SMCO1: variants seen among roughly 807,000 people sequenced by gnomAD.
SMCO1 encodes the protein single-pass membrane protein with coiled-coil domains 1, also known as single-pass membrane and coiled-coil domain-containing protein 1.
Under a neutral mutation model 7.5 loss-of-function variants are expected in SMCO1, and 9 were observed. The observed-to-expected ratio is 1.20, with a 90% confidence interval of 0.72 to 2.09. The LOEUF (loss-of-function observed/expected upper bound fraction) is 2.09. Ranked by LOEUF, SMCO1 falls within the 30% of genes most tolerant of loss-of-function variation. The probability of loss-of-function intolerance (pLI) is 0.00; values close to 1 mark genes in which losing one functional copy is unlikely to be tolerated. For synonymous variants in SMCO1, 90 were observed against 93.8 expected (o/e 0.96, Z 0.23); for missense variants, 219 against 253.1 (o/e 0.87, Z 0.91).
At chr3:196,510,856 G>A (rs182980619) in intron 1 of SMCO1, among the ~76,000 whole-genome samples, 132 of 152,240 alleles carry the variant, frequency 8.7e-4, no homozygotes, top group Non-Finnish European at 1.7e-3. Context: ...CCCAGCAAAG[G>A]TCTTGCACAG....
chr3:196,508,590 A>G (rs548799349), intron 2 of SMCO1, among the ~76,000 whole-genome samples: 2 of 150,702 alleles, frequency 1.3e-5, no homozygotes, highest in South Asian at 2.2e-4. Context: ...GGCTTCCCAG[A>G]GTGCTGGGAT....
chr3:196,509,788 T>G, intron 1 of SMCO1, 119 bp from the exon 2 acceptor site: 1 of 858,586 alleles, frequency 1.2e-6, no homozygotes, highest in Non-Finnish European at 1.7e-6. Flanking sequence ...AACTTTTTTT[T>G]TTTTACTTTT....
chr3:196,516,342 G>C (rs1733389656), upstream of SMCO1, among the ~76,000 whole-genome samples: 1 of 151,824 alleles, frequency 6.6e-6, no homozygotes, highest in Non-Finnish European at 1.5e-5. Context: ...GTGGTACTTG[G>C]CTTGGCCTTA....
At chr3:196,514,473 A>T (rs1446388251) in intron 1 of SMCO1, among the ~76,000 whole-genome samples, 1 of 152,148 alleles carries the variant, frequency 6.6e-6, no homozygotes, top group Admixed American at 6.5e-5. Context: ...CAAAGGCAAA[A>T]TTGGTTGATC....
upstream of SMCO1, among the ~76,000 whole-genome samples, chr3:196,517,795 T>C (rs147781761): frequency 2.0e-5 from 3 of 152,094 alleles, no homozygotes; most frequent in African/African-American, 7.2e-5. Flanking sequence ...TCAGCTCCCC[T>C]AGTAGCTGGG....
intron 1 of SMCO1, among the ~76,000 whole-genome samples, chr3:196,514,886 C>T (rs1382830368): frequency 2.6e-5 from 4 of 152,236 alleles, no homozygotes; most frequent in African/African-American, 7.2e-5. Flanking sequence ...GGACTACAGG[C>T]GCCCGCCACC....
chr3:196,514,515 C>T (rs1733331310), intron 1 of SMCO1, among the ~76,000 whole-genome samples: 1 of 152,192 alleles, frequency 6.6e-6, no homozygotes, highest in Non-Finnish European at 1.5e-5. Flanking sequence ...CCTTTAGGAA[C>T]ATCACCATTG....
chr3:196,515,940 A>G (rs937969560), upstream of SMCO1, among the ~76,000 whole-genome samples: 2 of 138,096 alleles, frequency 1.4e-5, no homozygotes, highest in Admixed American at 7.6e-5. Flanking sequence ...TCGAAGCTGC[A>G]GTGAGCTATG....
intron 1 of SMCO1, among the ~76,000 whole-genome samples, chr3:196,512,635 C>G (rs2108663122): frequency 6.6e-6 from 1 of 151,106 alleles, no homozygotes; most frequent in African/African-American, 2.4e-5. Context: ...CCTCAGTCTC[C>G]CGAGTAGCTG....
At chr3:196,510,953 C>T (rs753445456) in intron 1 of SMCO1, among the ~76,000 whole-genome samples, 2 of 152,204 alleles carry the variant, frequency 1.3e-5, no homozygotes, top group Admixed American at 6.5e-5. Context: ...TGAGTAGCTC[C>T]GAACAGCCAT....
upstream of SMCO1, among the ~76,000 whole-genome samples, chr3:196,519,143 G>A (rs1733445900): frequency 6.6e-6 from 1 of 152,146 alleles, no homozygotes; most frequent in South Asian, 2.1e-4. Context: ...TATTTTCTCT[G>A]TGTGTCAAAT....
At chr3:196,517,723 G>A (rs962180430), upstream of SMCO1, among the ~76,000 whole-genome samples, 2 of 152,086 alleles carry the variant, frequency 1.3e-5, no homozygotes, top group African/African-American at 4.8e-5. Context: ...AGGCTGGAGT[G>A]CAGTGGCATG....
chr3:196,508,925 A>C (rs1279833210), intron 2 of SMCO1, among the ~76,000 whole-genome samples: 4 of 128,106 alleles, frequency 3.1e-5, no homozygotes, highest in African/African-American at 1.3e-4. Context: ...TGACAGAGTG[A>C]GACTCCATCT....
In SMCO1 at chr3:196,508,337, A is replaced by G. The variant is rs1409824149; in HGVS notation, c.201-6T>C. 1 of 1,580,570 alleles carries G rather than the reference A, an allele frequency of 6.3e-7. No homozygotes were observed. The highest frequency in any genetic ancestry group is 1.4e-5 in the African/African-American group (1 of 73,266). On this transcript the variant is annotated splice_region_variant and splice_polypyrimidine_tract_variant and intron_variant, in intron 2 of 2. Coordinates refer to ENST00000397537, the MANE Select transcript of SMCO1 (RefSeq NM_001077657.3). ...TCAATTCCATTGAAGTGAGCCTACA[A>G]AAAATATGGAGAGCTTCTTAAGCGG...
rs141033757 is a variant in SMCO1, at chr3:196,513,138, G to A, written c.50+2022C>T. The stretch of plus-strand genomic sequence containing the variant: ...GAGTCCAGGAGTTTGAGACCAGCTT[G>A]GGCAACATAGTGAGACCTCATCTCT... On this transcript the variant is annotated intron_variant, in intron 1 of 2. Transcript: ENST00000397537. Among the ~76,000 whole-genome samples, 99 of 151,732 alleles carry A rather than the reference G, an allele frequency of 6.5e-4. 1 individual carries two copies. The East Asian group carries it at 0.018, about 27-fold the overall frequency.
upstream of SMCO1, among the ~76,000 whole-genome samples, chr3:196,517,450 T>G (rs1419412645): frequency 1.3e-5 from 2 of 152,108 alleles, no homozygotes; most frequent in Non-Finnish European, 2.9e-5. Context: ...TAAAAATTCT[T>G]GGACAATGAG....
chr3:196,514,455 T>C (rs2108663946), intron 1 of SMCO1, among the ~76,000 whole-genome samples: 1 of 152,332 alleles, frequency 6.6e-6, no homozygotes, highest in South Asian at 2.1e-4. Context: ...AGTTCCTTTT[T>C]CTAGTGTCAA....
chr3:196,510,430 A>G (rs1420427790), intron 1 of SMCO1, among the ~76,000 whole-genome samples: 2 of 152,194 alleles, frequency 1.3e-5, no homozygotes, highest in Non-Finnish European at 2.9e-5. Context: ...TGAGACCAGT[A>G]TATAATCTGG....
Position 196,507,894 on chromosome 3 carries a change from T to C in SMCO1, c.638A>G (p.Lys213Arg), listed in dbSNP as rs1470359793. ...SSLEELIPSV[K>R]N ...GGGTCATAGGGTAACAGGTTAGTTT[T>C]TGACAGATGGTATCAACTCTTCGAG... Residue 213 changes from lysine (K) to arginine (R), a missense_variant, in exon 3 of 3, where the codon AAA (lysine) becomes AGA (arginine). Lys to Arg is a conservative substitution (Grantham distance 26). Coordinates refer to ENST00000397537, the MANE Select transcript of SMCO1 (RefSeq NM_001077657.3). 1.2e-6 allele frequency: 2 copies of C among 1,604,796 alleles called. No homozygotes were observed. The highest frequency in any genetic ancestry group is 8.5e-7 in the Non-Finnish European group (1 of 1,174,420).
Sources: gnomAD v4.1 joint callset for allele counts (sites outside exome capture counted in the v4.1 genomes callset) on GRCh38, gnomAD v4.1.1 for gene constraint, MANE v1.5 for transcripts, NCBI Gene and HGNC (gene_info 2026-07-23, HGNC 2026-07-21) for gene names.